MYOM2: variants seen among roughly 807,000 people sequenced by gnomAD.
MYOM2 encodes myomesin 2.
Under a neutral mutation model 187.6 loss-of-function variants are expected in MYOM2, and 254 were observed. That is an observed-to-expected ratio of 1.35 (90% CI 1.22 to 1.50). The LOEUF is 1.50. Among genes scored for constraint, MYOM2 ranks in the 40% most tolerant of loss-of-function variants. The pLI is 0.00. For missense variants in MYOM2, 2,796 were observed against 1,924.0 expected (o/e 1.45, Z -8.48); for synonymous variants, 981 against 753.8 (o/e 1.30, Z -4.94).
intron 13 of MYOM2, among the ~76,000 whole-genome samples, chr8:2,081,116 T>G (rs112530839): frequency 6.8e-5 from 9 of 132,002 alleles, no homozygotes; most frequent in East Asian, 4.7e-4. Flanking sequence ...AGAATGAGGT[T>G]GGTTCTGGCC....
chr8:2,065,274 G>A (rs1024060252), intron 6 of MYOM2, among the ~76,000 whole-genome samples: 15 of 152,154 alleles, frequency 9.9e-5, no homozygotes, highest in African/African-American at 3.4e-4. Context: ...CTGCAGGTGT[G>A]TAAAAGCCTT....
chr8:2,112,472 G>A (rs1454824626), intron 25 of MYOM2, among the ~76,000 whole-genome samples: 1 of 152,142 alleles, frequency 6.6e-6, no homozygotes, highest in Non-Finnish European at 1.5e-5. Flanking sequence ...AGTGGGGAAT[G>A]ATCAGGGAAT....
chr8:2,086,387 T>A (rs1373289158), intron 14 of MYOM2, among the ~76,000 whole-genome samples: 1,470 of 4,150 alleles, frequency 0.35, 578 homozygotes, highest in Non-Finnish European at 0.5. Flanking sequence ...CTGCGTGGCC[T>A]CCCACTGTTG....
chr8:2,052,147 T>C lies in MYOM2; in HGVS notation c.108-11T>C, dbSNP rs373526943. 5.0e-6 allele frequency: 8 copies of C among 1,612,948 alleles called. No individual in the cohort carries two copies. Among genetic ancestry groups the C allele is most frequent in the South Asian group, 4.4e-5 (4 of 90,756 alleles). ...AGCATGCATCTCCTAATCGTGTCCA[T>C]GTTCCTGAAGGCGAGCTTCCACCCA... On this transcript the variant is annotated splice_polypyrimidine_tract_variant and intron_variant, in intron 2 of 36. Coordinates refer to ENST00000262113, the MANE Select transcript of MYOM2 (RefSeq NM_003970.4).
chr8:2,079,651 G>A, intron 13 of MYOM2, 38 bp downstream of exon 13: 2 of 1,604,728 alleles, frequency 1.2e-6, no homozygotes. Flanking sequence ...CTCAGCCCCT[G>A]GGGATTTGGA....
At chr8:2,098,792 C>G in intron 18 of MYOM2, 65 bp from the exon 19 acceptor site, 1 of 1,493,414 alleles carries the variant, frequency 6.7e-7, no homozygotes, top group South Asian at 1.3e-5. Flanking sequence ...ATAACAACTC[C>G]TCCCCCTCAG....
At chr8:2,102,551 C>T in intron 20 of MYOM2, 116 bp from the exon 21 acceptor site, 1 of 617,430 alleles carries the variant, frequency 1.6e-6, no homozygotes, top group South Asian at 2.5e-5. Context: ...TATCATTTTC[C>T]TAACTGGAAA....
At chr8:2,108,135 T>C (rs1796953636) in intron 23 of MYOM2, among the ~76,000 whole-genome samples, 2 of 152,216 alleles carry the variant, frequency 1.3e-5, no homozygotes. Context: ...GAGATCACCA[T>C]CTTCTTTCTG....
In MYOM2 at chr8:2,092,358, C is replaced by T; in HGVS notation, c.1841C>T (p.Ala614Val). Residue 614 changes from alanine to valine, a missense_variant, in exon 16 of 37, where the codon GCT (alanine) becomes GTT (valine). Physicochemically the swap from Ala to Val is moderately conservative, Grantham distance 64. Transcript: ENST00000262113. ...QAQDVTVVPS[A>V]PGRVLASRNT... The stretch of plus-strand genomic sequence containing the variant: ...CTCCTACGAAAAGTTGTCCCTTCTG[C>T]TCCGGGTCGGGTTCTTGCTTCCCGA... The T allele has an allele frequency of 6.2e-7, 1 of 1,614,032 alleles. No individual in the cohort carries two copies. The highest frequency in any genetic ancestry group is 8.5e-7 in the Non-Finnish European group (1 of 1,179,954).
intron 3 of MYOM2, among the ~76,000 whole-genome samples, chr8:2,053,840 G>A (rs1818569953): frequency 6.6e-6 from 1 of 152,200 alleles, no homozygotes; most frequent in Non-Finnish European, 1.5e-5. Context: ...TTCTTCAGCA[G>A]CCCCCGAGTG....
Position 2,076,829 on chromosome 8 carries a change from C to T in MYOM2, c.1262+547C>T, listed in dbSNP as rs145495675. ...AGTTGATAACTTACATTTAGGTCAT[C>T]GTTGGAGCCAGTGGAGTTTGAATTC... On this transcript the variant is annotated intron_variant, in intron 11 of 36. Transcript: ENST00000262113. 7.0e-3 allele frequency among the ~76,000 whole-genome samples: 1,073 copies of T among 152,288 alleles called. 18 individuals carry two copies. The highest frequency in any genetic ancestry group is 0.025 in the African/African-American group (1,024 of 41,548).
chr8:2,137,129 T>C (rs1020819601), intron 32 of MYOM2, among the ~76,000 whole-genome samples: 5 of 151,014 alleles, frequency 3.3e-5, no homozygotes, highest in African/African-American at 7.3e-5. Flanking sequence ...TCTATACATC[T>C]AGGATGCAAT....
In MYOM2 at chr8:2,140,852, C is replaced by G; in HGVS notation, c.3930C>G (p.Asp1310Glu). 6.2e-7 allele frequency: 1 copy of G among 1,613,870 alleles called. No homozygotes were observed. Among genetic ancestry groups the G allele is most frequent in the Non-Finnish European group, 8.5e-7 (1 of 1,179,934 alleles). Reference protein sequence around the residue: ...KYTFEIFDGKDNHQRSLDLSG... With the variant: ...KYTFEIFDGKENHQRSLDLSG... ...CTTTTGAGATTTTCGATGGCAAAGA[C>G]AACCATCAACGCTCCCTTGACCTGT... Residue 1310 changes from aspartate to glutamate, a missense_variant, in exon 33 of 37, where the codon GAC becomes GAG. Coordinates refer to ENST00000262113, the MANE Select transcript of MYOM2 (RefSeq NM_003970.4).
Position 2,117,958 on chromosome 8 carries a change from A to C in MYOM2, c.3453+6A>C. On this transcript the variant is annotated splice_donor_region_variant and intron_variant, in intron 28 of 36. Transcript: ENST00000262113. ...AAGTTCGACTTGTTTGCAAGGTGAG[A>C]AACCCGGTTCTAACAGGAAAACAAT... The C allele has an allele frequency of 1.2e-6, 2 of 1,611,564 alleles. No homozygotes were observed. The highest frequency in any genetic ancestry group is 1.7e-6 in the Non-Finnish European group (2 of 1,178,512).
chr8:2,053,451 T>C (rs188218832), intron 3 of MYOM2, among the ~76,000 whole-genome samples: 1 of 152,348 alleles, frequency 6.6e-6, no homozygotes, highest in Non-Finnish European at 1.5e-5. Context: ...ATACTTGAGC[T>C]TATCATTTTA....
intron 13 of MYOM2, among the ~76,000 whole-genome samples, chr8:2,084,000 T>A (rs1411290001): frequency 1.3e-5 from 2 of 152,274 alleles, no homozygotes; most frequent in Non-Finnish European, 2.9e-5. Context: ...TTGCTGCTTC[T>A]GTTCATTGCC....
intron 31 of MYOM2, among the ~76,000 whole-genome samples, chr8:2,126,306 C>G (rs1160154307): frequency 6.6e-6 from 1 of 152,088 alleles, no homozygotes; most frequent in Non-Finnish European, 1.5e-5. Flanking sequence ...GGGCTGGAGT[C>G]TCTCCCTGAC....
chr8:2,088,915 G>T (rs1038161421), intron 14 of MYOM2, among the ~76,000 whole-genome samples: 1 of 152,240 alleles, frequency 6.6e-6, no homozygotes, highest in African/African-American at 2.4e-5. Context: ...CCCATATTCT[G>T]ATGTAGGAGA....
chr8:2,057,654 C>T lies in MYOM2; in HGVS notation c.434C>T (p.Thr145Ile). The T allele has an allele frequency of 3.1e-6, 5 of 1,614,084 alleles. No individual in the cohort carries two copies. Among genetic ancestry groups the T allele is most frequent in the Non-Finnish European group, 4.2e-6 (5 of 1,180,008 alleles). ...GACAAGCTGGCCTGGGAGAGACACA[C>T]ATTTGAAGAGCGGATAAGCAGGGCT... ...MEDKLAWERH[T>I]FEERISRAPE... The change falls in exon 5 of 37, where the codon ACA (threonine) becomes ATA (isoleucine). Residue 145 changes from threonine to isoleucine, a missense_variant. By Grantham distance (89) the Thr-to-Ile change is moderately conservative (BLOSUM62 -1). Transcript: ENST00000262113.
Sources: allele counts gnomAD v4.1 joint callset (sites outside exome capture counted in the v4.1 genomes callset), GRCh38; gene constraint gnomAD v4.1.1; transcripts MANE v1.5; gene names NCBI Gene and HGNC (gene_info 2026-07-23, HGNC 2026-07-21).